CACNA1F: variants seen among roughly 807,000 people sequenced by gnomAD.
The protein encoded by CACNA1F is voltage-dependent L-type calcium channel subunit alpha-1F.
A neutral mutation model predicts 143.8 loss-of-function variants in CACNA1F; 59 were observed. The observed-to-expected ratio is 0.41, with a 90% CI of 0.33 to 0.51. The LOEUF (loss-of-function observed/expected upper bound fraction) is 0.51. Among genes scored for constraint, CACNA1F ranks in the 20% least tolerant of loss-of-function variants. CACNA1F has a pLI of 0.22. For synonymous variants in CACNA1F, 643 were observed against 649.1 expected, an observed-to-expected ratio of 0.99 and a Z score of 0.14; for missense variants, 1,411 against 1,647.5, an observed-to-expected ratio of 0.86 and a Z score of 2.48.
chrX:49,217,254 C>T (rs182110939), intron 26 of CACNA1F, among the ~76,000 whole-genome samples: 2 of 112,920 alleles, frequency 1.8e-5, no homozygotes, highest in East Asian at 2.8e-4. Context: ...CCACAGCGCC[C>T]GGCCCAAGCT....
intron 26 of CACNA1F, among the ~76,000 whole-genome samples, 156 bp from the exon 27 acceptor site, chrX:49,216,684 G>T (rs782533272): frequency 9.0e-6 from 1 of 111,615 alleles, no homozygotes; most frequent in Non-Finnish European, 1.9e-5. Context: ...GTGACCTTGC[G>T]CATTTACCCT....
chrX:49,227,361 A>G (rs988826415), intron 8 of CACNA1F, among the ~76,000 whole-genome samples: 3 of 111,230 alleles, frequency 2.7e-5, no homozygotes, highest in Non-Finnish European at 3.8e-5. Flanking sequence ...GTCTCACTCT[A>G]TCACTCAGGG....
chrX:49,212,850 C>A, intron 32 of CACNA1F, 55 bp from the exon 33 acceptor site: 1 of 1,195,215 alleles, frequency 8.4e-7, no homozygotes, highest in Non-Finnish European at 1.1e-6. Flanking sequence ...CAGCTATCTC[C>A]CTATCTCATG....
intron 12 of CACNA1F, 34 bp downstream of exon 12, chrX:49,226,182 TG>T: frequency 8.4e-7 from 1 of 1,183,818 alleles, no homozygotes; most frequent in Non-Finnish European, 1.1e-6. Context: ...TTCAAAGTTA[TG>T]GAGTCAAGGA....
chrX:49,210,012 C>A lies in CACNA1F; in HGVS notation c.4619G>T (p.Arg1540Leu). 8.3e-7 allele frequency: 1 copy of A among 1,209,924 alleles called. No individual in the cohort carries two copies. The stretch of plus-strand genomic sequence containing the variant: ...CTTCCAGATCTTTTTGATGACAATC[C>A]GCAGCTCCTGGTTGGCTTGCTCCAG... ...GNLEQANQEL[R>L]IVIKKIWKRM... Residue 1540 changes from arginine (R) to leucine (L), a missense_variant, in exon 40 of 48, where the codon CGG becomes CTG. Arg to Leu is a moderately radical substitution (Grantham distance 102). Coordinates refer to ENST00000323022, the MANE Select transcript of CACNA1F (RefSeq NM_001256789.3).
In CACNA1F at chrX:49,217,163, T is replaced by C. The variant is rs191971292; in HGVS notation, c.3089+592A>G. ...TAGTGGAGACGGGGTTTCACCATGC[T>C]GACTAGGCTGGTGTCGAACTCCCAA... is the stretch of plus-strand genomic sequence containing the variant. On this transcript the variant is annotated intron_variant, in intron 26 of 47. Coordinates refer to ENST00000323022, the MANE Select transcript of CACNA1F (RefSeq NM_001256789.3). Among the ~76,000 whole-genome samples the C allele has an allele frequency of 3.9e-4, 44 of 112,503 alleles. No homozygotes were observed. In the South Asian group the frequency reaches 6.7e-3, roughly 17 times the overall value.
chrX:49,226,637 G>A lies in CACNA1F; in HGVS notation c.1342C>T (p.Arg448Cys), dbSNP rs782299485. The change falls in exon 10 of 48, where the codon CGC (arginine) becomes TGC (cysteine). Residue 448 changes from arginine (R) to cysteine (C), a missense_variant. This residue lies in a region of CACNA1F where 950 missense variants were observed against 1,128.1 expected (regional missense o/e 0.84). Transcript: ENST00000323022. ...GRLRWFSHST[R>C]STHSTSSHAS... ...TGGCTGCTGGTGGAGTGTGTGGAGC[G>A]AGTAGAATGACTGAACCAGCGCAGA... is the stretch of plus-strand genomic sequence containing the variant. The A allele has an allele frequency of 3.4e-6, 4 of 1,182,563 alleles. No homozygotes were observed. Among genetic ancestry groups the A allele is most frequent in the South Asian group, 1.9e-5 (1 of 53,461 alleles).
In CACNA1F at chrX:49,217,771, T is replaced by C; in HGVS notation, c.3073A>G (p.Thr1025Ala). Residue 1025 changes from threonine (T) to alanine (A), a missense_variant, in exon 26 of 48, where the codon ACC becomes GCC. Physicochemically the swap from Thr to Ala is moderately conservative, Grantham distance 58. Coordinates refer to ENST00000323022, the MANE Select transcript of CACNA1F (RefSeq NM_001256789.3). ...GGCACTCACTTGCATTCTTGAGGGG[T>C]GTGTTTGGCCTCGTCCGTGCAGGTG... The part of the protein sequence containing the change: ...FYTCTDEAKH[T>A]PQECKGSFLV... 1 of 1,207,591 alleles carries C rather than the reference T, an allele frequency of 8.3e-7. No individual in the cohort carries two copies.
At chrX:49,208,411 G>GACCCCC in intron 43 of CACNA1F, 104 bp downstream of exon 43, 2 of 414,480 alleles carry the variant, frequency 4.8e-6, no homozygotes, top group Non-Finnish European at 4.3e-6. Flanking sequence ...AGGCCTCTAG[G>GACCCCC]CCCTCCCTCC....
In CACNA1F at chrX:49,222,840, T is replaced by C. The variant is rs1358925739; in HGVS notation, c.2086-2A>G. 1 of 1,209,294 alleles carries C rather than the reference T, an allele frequency of 8.3e-7. No individual in the cohort carries two copies. Among genetic ancestry groups the C allele is most frequent in the Non-Finnish European group, 1.1e-6 (1 of 895,035 alleles). ...GTTCCAGTCCTCACCTGTCAGGATCTGGGGGTGGGAAGTCACTGTGGAGCT... is the reference window on the plus strand; with the variant it reads ...GTTCCAGTCCTCACCTGTCAGGATCCGGGGGTGGGAAGTCACTGTGGAGCT... On this transcript the variant is annotated splice_acceptor_variant, in intron 15 of 47. Transcript: ENST00000323022. LOFTEE classifies it high-confidence loss of function.
In CACNA1F at chrX:49,226,670, G is replaced by A. The variant is rs1557110042; in HGVS notation, c.1309C>T (p.Arg437Cys). The A allele has an allele frequency of 8.5e-7, 1 of 1,182,052 alleles. No homozygotes were observed. Among genetic ancestry groups the A allele is most frequent in the Non-Finnish European group, 1.1e-6 (1 of 880,334 alleles). ...PQLAELTNRR[R>C]GRLRWFSHST... ...TGACTGAACCAGCGCAGACGTCCAC[G>A]CCTCCTATTGGTCAGCTCGGCCAGC... Residue 437 changes from arginine (R) to cysteine (C), a missense_variant, in exon 10 of 48, where the codon CGT (arginine) becomes TGT (cysteine). Transcript: ENST00000323022.
chrX:49,209,453 C>T (rs1407043428), intron 41 of CACNA1F, 60 bp from the exon 42 acceptor site: 3 of 1,167,383 alleles, frequency 2.6e-6, no homozygotes, highest in Non-Finnish European at 3.5e-6. Flanking sequence ...CCCTCTGTTT[C>T]CCCTGCAGGC....
rs1428150921 is a variant in CACNA1F at position 49,211,043 on chromosome X, G to A, written c.4310C>T (p.Thr1437Ile). ...AVIMDNFDYL[T>I]RDWSILGPHH... ...GGGGCCCAGGATGGACCAATCTCTG[G>A]TGAGATAATCAAAGTTGTCCATGAT... Residue 1437 changes from threonine (T) to isoleucine (I), a missense_variant, in exon 37 of 48, where the codon ACC (threonine) becomes ATC (isoleucine). This residue lies in a region of CACNA1F where 112 missense variants were observed against 169.2 expected (regional missense o/e 0.66). Coordinates refer to ENST00000323022, the MANE Select transcript of CACNA1F (RefSeq NM_001256789.3). 15 of 1,204,471 alleles carry A rather than the reference G, an allele frequency of 1.2e-5. No homozygotes were observed. The highest frequency in any genetic ancestry group is 1.7e-5 in the Non-Finnish European group (15 of 890,713).
In CACNA1F at chrX:49,214,547, G is replaced by A. The variant is rs6608848; in HGVS notation, c.3598-278C>T. Among the ~76,000 whole-genome samples, 916 of 112,378 alleles carry A rather than the reference G, an allele frequency of 8.2e-3. 6 individuals carry two copies. The highest frequency in any genetic ancestry group is 0.026 in the African/African-American group (818 of 30,976). ...TTGTGTAAAAAAAATTTTGCTTTCC[G>A]ATGAAAGGATCAAATAAGGAGAGGC... On this transcript the variant is annotated intron_variant, in intron 29 of 47. Coordinates refer to ENST00000323022, the MANE Select transcript of CACNA1F (RefSeq NM_001256789.3).
intron 16 of CACNA1F, 53 bp downstream of exon 16, chrX:49,222,665 C>T (rs782344167): frequency 1.7e-6 from 2 of 1,207,400 alleles, no homozygotes; most frequent in African/African-American, 3.5e-5. Context: ...ACCCAGTTCC[C>T]CTTACCCACC....
At chrX:49,216,252 C>T (rs930335314) in intron 27 of CACNA1F, 130 bp downstream of exon 27, 31 of 688,192 alleles carry the variant, frequency 4.5e-5, no homozygotes, top group Non-Finnish European at 6.8e-5. Flanking sequence ...CTCCAGAAAA[C>T]CCTATCCAGT....
At position 49,219,797 on chromosome X, in the gene CACNA1F, C is replaced by G; in HGVS notation, c.2387-7G>C. ...TCCTCCTCCTCCTCCATGTCTGGCA[C>G]CAGAGAAAAGCAAAAAAAAATTAAT... On this transcript the variant is annotated splice_region_variant and splice_polypyrimidine_tract_variant and intron_variant, in intron 19 of 47. Coordinates refer to ENST00000323022, the MANE Select transcript of CACNA1F (RefSeq NM_001256789.3). The G allele has an allele frequency of 9.4e-7, 1 of 1,062,731 alleles. No individual in the cohort carries two copies. Among genetic ancestry groups the G allele is most frequent in the Non-Finnish European group, 1.3e-6 (1 of 779,985 alleles). The allele number at this position is 1,062,731 out of a possible 1,213,427, so 87.6% of individuals were successfully genotyped here.
At chrX:49,226,370 A>G (rs1392217069) in intron 11 of CACNA1F, 39 bp downstream of exon 11, 1 of 1,153,405 alleles carries the variant, frequency 8.7e-7, no homozygotes, top group African/African-American at 1.8e-5. Flanking sequence ...CAGGGTTTGG[A>G]CTGGCTTCTG....
intron 26 of CACNA1F, 105 bp downstream of exon 26, chrX:49,217,650 G>A: frequency 1.3e-6 from 1 of 750,083 alleles, no homozygotes; most frequent in Non-Finnish European, 2.1e-6. Flanking sequence ...GCAGTTCTTG[G>A]GACAATTCTG....
Sources: allele counts gnomAD v4.1 joint callset (sites outside exome capture counted in the v4.1 genomes callset), GRCh38; gene constraint gnomAD v4.1.1; regional missense constraint gnomAD v4.1.1; transcripts MANE v1.5; gene names NCBI Gene and HGNC (gene_info 2026-07-23, HGNC 2026-07-21).